Variants in SND1 observed in about 807,000 individuals in gnomAD.
SND1 encodes the protein staphylococcal nuclease domain-containing protein 1.
A neutral mutation model predicts 121.7 loss-of-function variants in SND1; 38 were observed. The observed-to-expected ratio is 0.31, with a 90% CI of 0.24 to 0.41. SND1 has a LOEUF of 0.41. SND1 is among the 10% of genes least tolerant of loss of function. The pLI is 1.00. For synonymous variants in SND1, 401 were observed against 447.4 expected, an observed-to-expected ratio of 0.90 and a Z score of 1.31; for missense variants, 868 against 1,184.6, an observed-to-expected ratio of 0.73 and a Z score of 3.92.
intron 11 of SND1, among the ~76,000 whole-genome samples, chr7:127,834,695 A>T (rs1046460482): frequency 6.6e-6 from 1 of 152,218 alleles, no homozygotes; most frequent in African/African-American, 2.4e-5. Context: ...CTGACAATTT[A>T]TATACACAAG....
chr7:127,928,921 C>T (rs1322450539), intron 14 of SND1, among the ~76,000 whole-genome samples: 1 of 152,198 alleles, frequency 6.6e-6, no homozygotes, highest in African/African-American at 2.4e-5. Context: ...AAGATGAGCT[C>T]TTCTTGCCCC....
intron 12 of SND1, among the ~76,000 whole-genome samples, chr7:127,883,046 A>G (rs1208334104): frequency 1.3e-5 from 2 of 152,152 alleles, no homozygotes; most frequent in Non-Finnish European, 2.9e-5. Context: ...GGGTTCTACT[A>G]AAAGTCAACA....
intron 14 of SND1, among the ~76,000 whole-genome samples, chr7:127,910,784 C>T (rs935793044): frequency 2.6e-5 from 4 of 152,152 alleles, no homozygotes; most frequent in African/African-American, 9.7e-5. Context: ...GTCTCTCTTG[C>T]CAACTGCAGT....
chr7:127,968,212 G>A (rs1801899834), intron 15 of SND1, among the ~76,000 whole-genome samples: 1 of 152,110 alleles, frequency 6.6e-6, no homozygotes. Context: ...AAGCTTTTCA[G>A]TTTCAATCTT....
intron 15 of SND1, among the ~76,000 whole-genome samples, chr7:127,955,245 G>A (rs894791815): frequency 3.3e-5 from 5 of 152,108 alleles, no homozygotes; most frequent in African/African-American, 1.2e-4. Context: ...AGCAAGTAAC[G>A]AAGCCCACTA....
intron 16 of SND1, among the ~76,000 whole-genome samples, chr7:128,004,766 T>C (rs1232263058): frequency 6.6e-6 from 1 of 152,204 alleles, no homozygotes; most frequent in Admixed American, 6.5e-5. Flanking sequence ...TCTTATTTCC[T>C]GGTTGTCTGC....
chr7:127,968,733 AATCAAGAG>A (rs1490416071), intron 15 of SND1, among the ~76,000 whole-genome samples: 3 of 152,232 alleles, frequency 2.0e-5, no homozygotes, highest in African/African-American at 7.2e-5. Flanking sequence ...TCTGGCTTAG[AATCAAGAG>A]TAGCAGGAAG....
At position 127,721,249 on chromosome 7, in the gene SND1, A is replaced by C. The variant is rs75132091; in HGVS notation, c.1039-38A>C. ...TGCTCTTGGACATGTGATGGGGGCC[A>C]TAGAAGCAGGTTTAAGCATGTTCCT... On this transcript the variant is annotated intron_variant, in intron 9 of 23. Transcript: ENST00000354725. 3.9e-3 allele frequency: 5,633 copies of C among 1,449,556 alleles called. 178 individuals carry two copies. In the African/African-American group the frequency reaches 0.07, roughly 18 times the overall value. 89.8% of individuals were successfully genotyped at this position (1,449,556 alleles called of 1,614,324 possible).
intron 1 of SND1, among the ~76,000 whole-genome samples, chr7:127,681,779 A>G (rs774311781): frequency 6.6e-6 from 1 of 152,180 alleles, no homozygotes; most frequent in Non-Finnish European, 1.5e-5. Flanking sequence ...CCCTTGTTCA[A>G]AGTCAGTGGG....
chr7:128,074,798 GC>G, intron 17 of SND1, 108 bp downstream of exon 17: 1 of 1,120,438 alleles, frequency 8.9e-7, no homozygotes, highest in Non-Finnish European at 1.3e-6. Context: ...CCACAGAGTA[GC>G]CCAGGAAGGT....
At chr7:127,681,166 G>C (rs1351055217) in intron 1 of SND1, among the ~76,000 whole-genome samples, 2 of 152,132 alleles carry the variant, frequency 1.3e-5, no homozygotes, top group African/African-American at 4.8e-5. Flanking sequence ...ACTTGTTATT[G>C]CCTGTCTTAT....
rs1793063061 is a variant in SND1, at chr7:128,052,436, GTAT to G, written c.1780-22064_1780-22062del. On this transcript the variant is annotated intron_variant, in intron 16 of 23. Transcript: ENST00000354725. The surrounding 1 kb of genome is among the most constrained non-coding windows in gnomAD (Gnocchi z 4.6). ...AGCTTGTCTTCCCGCCCAGGAAAGG[GTAT>G]TTGGAAGAAGCTCCATCCTGTCTCC... 1.3e-5 allele frequency among the ~76,000 whole-genome samples: 2 copies of G among 152,194 alleles called. No homozygotes were observed. The highest frequency in any genetic ancestry group is 2.9e-5 in the Non-Finnish European group (2 of 68,034).
chr7:128,029,126 T>C lies in SND1; in HGVS notation c.1779+38070T>C, dbSNP rs995820688. Reference sequence around the variant, plus strand: ...TGTCAGTGGTGTCTGTCGCGGGTACTGCCACCTGCTTGGGCACACGGGTAG... The same window carrying C: ...TGTCAGTGGTGTCTGTCGCGGGTACCGCCACCTGCTTGGGCACACGGGTAG... On this transcript the variant is annotated intron_variant, in intron 16 of 23. Transcript: ENST00000354725. The surrounding 1 kb of genome is among the most constrained non-coding windows in gnomAD (Gnocchi z 4.2). 6 of 1,614,162 alleles carry C rather than the reference T, an allele frequency of 3.7e-6. No homozygotes were observed. Among genetic ancestry groups the C allele is most frequent in the Non-Finnish European group, 4.2e-6 (5 of 1,180,030 alleles).
At chr7:128,067,822 TC>T (rs1562888230) in intron 16 of SND1, among the ~76,000 whole-genome samples, 2 of 151,958 alleles carry the variant, frequency 1.3e-5, no homozygotes, top group East Asian at 3.9e-4. Context: ...CTCCCTGTCC[TC>T]CCCCCATTGC....
chr7:128,042,265 C>G (rs544323266), intron 16 of SND1: 1 of 152,376 alleles, frequency 6.6e-6, no homozygotes, highest in African/African-American at 2.4e-5. Context: ...AACAGCCTCT[C>G]TGGCCCAGCA....
At chr7:127,761,459 C>T (rs891683388) in intron 10 of SND1, among the ~76,000 whole-genome samples, 10 of 150,228 alleles carry the variant, frequency 6.7e-5, no homozygotes, top group African/African-American at 2.4e-4. Context: ...AAAGTATCAA[C>T]CAAGGGAAGA....
chr7:127,851,431 T>C (rs1799163612), intron 12 of SND1, among the ~76,000 whole-genome samples: 1 of 152,250 alleles, frequency 6.6e-6, no homozygotes, highest in South Asian at 2.1e-4. Flanking sequence ...CTTCCTTTGC[T>C]TTTTTTCTTC....
At chr7:127,652,531 T>C in intron 1 of SND1, 80 bp downstream of exon 1, 1 of 1,187,712 alleles carries the variant, frequency 8.4e-7, no homozygotes, top group South Asian at 1.5e-5. Context: ...TCCGCCAGCC[T>C]GCTCCATGTC....
At chr7:127,680,541 C>T (rs1254434701) in intron 1 of SND1, among the ~76,000 whole-genome samples, 7 of 152,012 alleles carry the variant, frequency 4.6e-5, no homozygotes, top group East Asian at 1.9e-4. Context: ...AAGAATTCAG[C>T]GATATTTCTC....
Sources: allele counts gnomAD v4.1 joint callset (sites outside exome capture counted in the v4.1 genomes callset), GRCh38; gene constraint gnomAD v4.1.1; non-coding constraint Gnocchi (gnomAD v3.1); transcripts MANE v1.5; gene names NCBI Gene and HGNC (gene_info 2026-07-23, HGNC 2026-07-21).